The following ALG3 variants were observed in gnomAD, a reference collection of about 807,000 sequenced individuals.
ALG3 encodes ALG3 alpha-1,3- mannosyltransferase.
In ALG3, 39 loss-of-function variants were observed where a neutral mutation model predicts 50.5. The ratio of observed to expected loss-of-function variants is 0.77; its 90% CI spans 0.60 to 1.01. ALG3 has a LOEUF of 1.01. Ranked by LOEUF, ALG3 falls within the 50% of genes least tolerant of loss-of-function variation. The pLI, the probability that ALG3 is intolerant of heterozygous loss-of-function variation, is 0.00. For synonymous variants in ALG3, 252 were observed against 237.2 expected (o/e 1.06, Z -0.58); for missense variants, 520 against 554.8 (o/e 0.94, Z 0.63).
chr3:184,247,985 A>G (rs1351892465), intron 1 of ALG3, among the ~76,000 whole-genome samples: 1 of 149,414 alleles, frequency 6.7e-6, no homozygotes, highest in Admixed American at 6.7e-5. Flanking sequence ...AGCTGGGACT[A>G]CAGGCGCCCG....
chr3:184,249,329 C>G, upstream of ALG3: 3 of 1,570,084 alleles, frequency 1.9e-6, no homozygotes, highest in Non-Finnish European at 2.6e-6. Flanking sequence ...CGCGCCCCTC[C>G]TGCCTGCCCT....
At chr3:184,244,283 C>T (rs749052501) in intron 5 of ALG3, 23 of 534,288 alleles carry the variant, frequency 4.3e-5, no homozygotes, top group Non-Finnish European at 5.6e-5. Flanking sequence ...GTGGCTCATG[C>T]CCAAAATCCT....
In ALG3 at chr3:184,243,963, G is replaced by C. The variant is rs777085436; in HGVS notation, c.760C>G (p.Pro254Ala). Residue 254 changes from proline (P) to alanine (A), a missense_variant, in exon 6 of 9, where the codon CCC becomes GCC. Physicochemically the swap from Pro to Ala is conservative, Grantham distance 27. Coordinates refer to ENST00000397676, the MANE Select transcript of ALG3 (RefSeq NM_005787.6). The part of the protein sequence containing the change: ...VLGLPFLLEN[P>A]SGYLSRSFDL... ...AAGGAGCGGGACAGGTAGCCGCTGG[G>C]GTTCTCCAGCAGGAAGGGCAGCCCC... 1.1e-5 allele frequency: 18 copies of C among 1,613,424 alleles called. No homozygotes were observed. In the South Asian group the frequency reaches 1.9e-4, roughly 17 times the overall value.
At position 184,242,364 on chromosome 3, in the gene ALG3, G is replaced by T; in HGVS notation, c.*150C>A. ...TGAATTCTTTATCTGCTCCATACGT[G>T]TCCCTCACAGCCTGGACCAGGCATC... On this transcript the variant is annotated 3_prime_UTR_variant, in exon 9 of 9. Transcript: ENST00000397676. The T allele has an allele frequency of 1.0e-6, 1 of 967,380 alleles. No individual in the cohort carries two copies. Among genetic ancestry groups the T allele is most frequent in the Non-Finnish European group, 1.6e-6 (1 of 619,886 alleles). The allele number at this position is 967,380 out of a possible 1,614,324, so 59.9% of individuals were successfully genotyped here.
chr3:184,248,779 C>T lies in ALG3; in HGVS notation c.162G>A (p.Val54=). The T allele has an allele frequency of 6.3e-7, 1 of 1,598,920 alleles. No homozygotes were observed. The highest frequency in any genetic ancestry group is 8.5e-7 in the Non-Finnish European group (1 of 1,170,306). ...TGTGAATGACCCAGAAGGTGATGCC[C>T]ACCTCCGCCAGGCAGAGGCAGGCGG... ...LVAACLCLAE[V]GITFWVIHRV... The change falls in exon 1 of 9, where the codon GTG becomes GTA. Residue 54 remains valine, a synonymous_variant. Transcript: ENST00000397676.
chr3:184,242,326 A>T lies in ALG3; in HGVS notation c.*188T>A. The T allele has an allele frequency of 1.2e-6, 1 of 824,576 alleles. No homozygotes were observed. Among genetic ancestry groups the T allele is most frequent in the Non-Finnish European group, 2.0e-6 (1 of 496,516 alleles). The allele number at this position is 824,576 out of a possible 1,614,324, so 51.1% of individuals were successfully genotyped here. ...AATCCTATGCAATAAAGTGCCTCTT[A>T]GGACTGCTTGAGTGAATTCTTTATC... On this transcript the variant is annotated 3_prime_UTR_variant, in exon 9 of 9. Transcript: ENST00000397676.
rs2233468 is a variant in ALG3 at position 184,243,618 on chromosome 3, A to T, written c.945T>A (p.Ser315Arg). The change falls in exon 7 of 9, where the codon AGT (serine) becomes AGA (arginine). Residue 315 changes from serine (S) to arginine (R), a missense_variant. Coordinates refer to ENST00000397676, the MANE Select transcript of ALG3 (RefSeq NM_005787.6). ...ALCRWHRTGE[S>R]ILSLLRDPSK... ...AGGGATCCCTCAGCAGCGACAAGAT[A>T]CTTTCCCCTGTCCTGGAGAAAAGCC... 1 of 1,613,860 alleles carries T rather than the reference A, an allele frequency of 6.2e-7. No homozygotes were observed. Among genetic ancestry groups the T allele is most frequent in the South Asian group, 1.1e-5 (1 of 91,072 alleles).
intron 4 of ALG3, 94 bp from the exon 5 acceptor site, chr3:184,244,815 C>T (rs1451757413): frequency 2.3e-5 from 34 of 1,493,916 alleles, no homozygotes; most frequent in Non-Finnish European, 3.0e-5. Context: ...CCACAGCAAC[C>T]TCCCCCCCGC....
At chr3:184,247,578 G>A (rs1386252730) in intron 1 of ALG3, among the ~76,000 whole-genome samples, 2 of 152,192 alleles carry the variant, frequency 1.3e-5, no homozygotes, top group Non-Finnish European at 2.9e-5. Flanking sequence ...GATTACAGGC[G>A]TGTGCCGCTG....
At chr3:184,247,946 C>T (rs1312016063) in intron 1 of ALG3, among the ~76,000 whole-genome samples, 1 of 151,072 alleles carries the variant, frequency 6.6e-6, no homozygotes, top group East Asian at 1.9e-4. Context: ...CCCGGGTTCA[C>T]GCCATTCTCC....
rs1240520600 is a variant in ALG3, at chr3:184,248,842, G to A, written c.99C>T (p.Arg33=). ...TGTAGCGCGGCTCCCGCAGCAGCAGGCGCCGCTCTTGCCAGGCGCGCTGCA... is the reference window on the plus strand; with the variant it reads ...TGTAGCGCGGCTCCCGCAGCAGCAGACGCCGCTCTTGCCAGGCGCGCTGCA... The part of the protein sequence containing the change: ...QWLQRAWQER[R]LLLREPRYTL... Residue 33 remains arginine (R), a synonymous_variant, in exon 1 of 9, where the codon CGC becomes CGT. Transcript: ENST00000397676. 1 of 1,608,608 alleles carries A rather than the reference G, an allele frequency of 6.2e-7. No homozygotes were observed. Among genetic ancestry groups the A allele is most frequent in the Non-Finnish European group, 8.5e-7 (1 of 1,177,804 alleles).
chr3:184,243,842 A>C lies in ALG3; in HGVS notation c.881T>G (p.Leu294Trp). 6.2e-7 allele frequency: 1 copy of C among 1,614,028 alleles called. No individual in the cohort carries two copies. The change falls in exon 6 of 9, where the codon TTG becomes TGG. Residue 294 changes from leucine to tryptophan, a missense_variant. This residue lies in a region of ALG3 where 224 missense variants were observed against 272.8 expected (regional missense o/e 0.82). Coordinates refer to ENST00000397676, the MANE Select transcript of ALG3 (RefSeq NM_005787.6). ...FLHRAFHLAL[L>W]TAHLTLLLLF... ...CAGGAGCAGGGTGAGGTGGGCAGTC[A>C]ACAGGGCCAGGTGGAAGGCTCGATG...
rs552628475 is a variant in ALG3, at chr3:184,248,952, G to A, written c.-12C>T. 8.9e-6 allele frequency: 14 copies of A among 1,567,232 alleles called. No individual in the cohort carries two copies. Among genetic ancestry groups the A allele is most frequent in the Non-Finnish European group, 1.2e-5 (14 of 1,159,228 alleles). On this transcript the variant is annotated 5_prime_UTR_variant, in exon 1 of 9. Transcript: ENST00000397676. Reference sequence around the variant, plus strand: ...AGCCCAGCCGCCATCTTAACGGTGCGCCGCTTGTGTGGGCCCACCACCCCC... The same window carrying A: ...AGCCCAGCCGCCATCTTAACGGTGCACCGCTTGTGTGGGCCCACCACCCCC...
intron 1 of ALG3, among the ~76,000 whole-genome samples, chr3:184,246,117 CCT>C (rs1286215199): frequency 6.6e-6 from 1 of 152,178 alleles, no homozygotes. Flanking sequence ...GATACTCCCT[CCT>C]CTCTCATTTG....
intron 7 of ALG3, 43 bp from the exon 8 acceptor site, chr3:184,243,000 G>A (rs748827624): frequency 2.5e-6 from 4 of 1,607,020 alleles, no homozygotes; most frequent in Non-Finnish European, 3.4e-6. Context: ...TGTGTGGGGG[G>A]GACTATCCCA....
chr3:184,244,371 C>T lies in ALG3; in HGVS notation c.726+230G>A. ...CCAGCCTGGGCAACCCAGCAAGAGC[C>T]CATCTCAAAACTTAAAATTAAAAAA... On this transcript the variant is annotated intron_variant, in intron 5 of 8. Coordinates refer to ENST00000397676, the MANE Select transcript of ALG3 (RefSeq NM_005787.6). The T allele has an allele frequency of 1.1e-5, 6 of 569,026 alleles. 1 individual carries two copies. The South Asian group carries it at 1.6e-4, about 15-fold the overall frequency. 35.2% of individuals were successfully genotyped at this position (569,026 alleles called of 1,614,324 possible).
rs567718891 is a variant in ALG3 at position 184,245,166 on chromosome 3, C to T, written c.605+32G>A. On this transcript the variant is annotated intron_variant, in intron 4 of 8. Transcript: ENST00000397676. Reference sequence around the variant, plus strand: ...TGGGAAGAGATGGAAATGCAGAAAACGAGAGGGGACCAGAAAGGAAGAGGT... The same window carrying T: ...TGGGAAGAGATGGAAATGCAGAAAATGAGAGGGGACCAGAAAGGAAGAGGT... 140 of 1,612,658 alleles carry T rather than the reference C, an allele frequency of 8.7e-5. 1 individual carries two copies. In the South Asian group the frequency reaches 1.2e-3, roughly 13 times the overall value.
intron 1 of ALG3, 134 bp from the exon 2 acceptor site, chr3:184,245,946 T>G (rs1297629208): frequency 7.5e-6 from 5 of 669,756 alleles, no homozygotes; most frequent in Non-Finnish European, 1.3e-5. Flanking sequence ...TCTAACTCTT[T>G]ATCTGACATT....
chr3:184,248,932 A>C lies in ALG3; in HGVS notation c.9T>G (p.Ala3=). The C allele has an allele frequency of 1.3e-6, 2 of 1,582,532 alleles. No individual in the cohort carries two copies. The highest frequency in any genetic ancestry group is 1.1e-5 in the South Asian group (1 of 88,324). Residue 3 remains alanine (A), a synonymous_variant, in exon 1 of 9, where the codon GCT becomes GCG. Coordinates refer to ENST00000397676, the MANE Select transcript of ALG3 (RefSeq NM_005787.6). ...CGGACCGGCCGCGTTTCCGCAGCCC[A>C]GCCGCCATCTTAACGGTGCGCCGCT... MA[A]GLRKRGRSGS... is the part of the protein sequence containing the mutation.
Sources: gnomAD v4.1 joint callset for allele counts (sites outside exome capture counted in the v4.1 genomes callset) on GRCh38, gnomAD v4.1.1 for gene constraint, gnomAD v4.1.1 regional missense constraint, MANE v1.5 for transcripts, NCBI Gene and HGNC (gene_info 2026-07-23, HGNC 2026-07-21) for gene names.